EYA2: variants seen among roughly 807,000 people sequenced by gnomAD.
EYA2 encodes protein phosphatase EYA2.
In EYA2, 31 loss-of-function variants were observed where a neutral mutation model predicts 69.2. The observed-to-expected ratio is 0.45, with a 90% CI of 0.34 to 0.60. EYA2 has a LOEUF of 0.60. EYA2 is among the 20% of genes least tolerant of loss of function. The pLI is 0.02. For synonymous variants in EYA2, 257 were observed against 279.4 expected, an observed-to-expected ratio of 0.92 and a Z score of 0.80; for missense variants, 622 against 701.2, an observed-to-expected ratio of 0.89 and a Z score of 1.28.
chr20:46,940,719 C>T (rs1376921334), intron 1 of EYA2, among the ~76,000 whole-genome samples: 5 of 152,200 alleles, frequency 3.3e-5, no homozygotes, highest in African/African-American at 9.7e-5. Context: ...GGTGACAGGC[C>T]AGCTCAGGGC....
At chr20:46,987,249 A>G (rs112997766) in intron 1 of EYA2, among the ~76,000 whole-genome samples, 2,565 of 152,326 alleles carry the variant, frequency 0.017, 60 homozygotes, top group African/African-American at 0.058. Flanking sequence ...CAGTGTTCCA[A>G]TAAAACTTTA....
intron 9 of EYA2, among the ~76,000 whole-genome samples, chr20:47,135,628 AT>A (rs2033445471): frequency 6.6e-6 from 1 of 151,880 alleles, no homozygotes; most frequent in Non-Finnish European, 1.5e-5. Context: ...TGTACAGCTA[AT>A]TAGTATGTAA....
At chr20:47,096,596 A>G (rs2032253497) in intron 8 of EYA2, among the ~76,000 whole-genome samples, 1 of 152,196 alleles carries the variant, frequency 6.6e-6, no homozygotes, top group South Asian at 2.1e-4. Context: ...CATGAGTTAA[A>G]CCCTCATCTT....
At position 47,117,647 on chromosome 20, in the gene EYA2, AAAG is replaced by A. The variant is rs2032938663; in HGVS notation, c.888+20482_888+20484del. 5.1e-6 allele frequency: 5 copies of A among 985,204 alleles called. No individual in the cohort carries two copies. The South Asian group carries it at 2.4e-4, about 46-fold the overall frequency. The allele number at this position is 985,204 out of a possible 1,614,324, so 61.0% of individuals were successfully genotyped here. ...TGCTTTACAAACTGAGAAGAAATAA[AAAG>A]AAAAAGAAAAAGAAAACCCGGTTTT... is the stretch of plus-strand genomic sequence containing the variant. On this transcript the variant is annotated intron_variant, in intron 9 of 15. Coordinates refer to ENST00000327619, the MANE Select transcript of EYA2 (RefSeq NM_005244.5).
At chr20:47,148,442 T>C (rs563598872) in intron 10 of EYA2, among the ~76,000 whole-genome samples, 1 of 152,274 alleles carries the variant, frequency 6.6e-6, no homozygotes, top group South Asian at 2.1e-4. Flanking sequence ...CCAGGGCAAA[T>C]TGTTTAATTG....
At chr20:47,067,734 T>G (rs1271368852) in intron 5 of EYA2, among the ~76,000 whole-genome samples, 9 of 152,222 alleles carry the variant, frequency 5.9e-5, no homozygotes, top group Non-Finnish European at 1.2e-4. Flanking sequence ...TCTTTCTTCC[T>G]TCCTGATGTT....
chr20:46,963,589 T>C (rs1979607444), intron 1 of EYA2, among the ~76,000 whole-genome samples: 1 of 152,238 alleles, frequency 6.6e-6, no homozygotes, highest in Non-Finnish European at 1.5e-5. Context: ...TCACTGGGGA[T>C]TGTTTTTAAT....
At chr20:46,928,897 C>T (rs1473972319) in intron 1 of EYA2, among the ~76,000 whole-genome samples, 1 of 152,116 alleles carries the variant, frequency 6.6e-6, no homozygotes, top group Non-Finnish European at 1.5e-5. Flanking sequence ...GGGGCCTCTA[C>T]CTCTGAACTA....
intron 14 of EYA2, among the ~76,000 whole-genome samples, chr20:47,182,067 G>C (rs974916071): frequency 2.6e-5 from 4 of 151,820 alleles, no homozygotes; most frequent in Non-Finnish European, 5.9e-5. Flanking sequence ...CCAGGCTGGA[G>C]GGCAGTGGTG....
intron 10 of EYA2, among the ~76,000 whole-genome samples, chr20:47,158,562 C>A (rs1055891874): frequency 5.3e-5 from 8 of 151,500 alleles, no homozygotes; most frequent in African/African-American, 1.9e-4. Flanking sequence ...GTTACCTGAG[C>A]CCAGGAACGA....
At chr20:47,163,035 T>TC (rs1224095838) in intron 10 of EYA2, among the ~76,000 whole-genome samples, 3 of 121,732 alleles carry the variant, frequency 2.5e-5, no homozygotes, top group Admixed American at 7.5e-5. Context: ...GGTGTATCAC[T>TC]CTTTTTTTTT....
intron 7 of EYA2, among the ~76,000 whole-genome samples, chr20:47,083,577 CAAAA>C (rs35525311): frequency 3.1e-4 from 38 of 120,644 alleles, no homozygotes; most frequent in African/African-American, 1.2e-3. Flanking sequence ...GAGTCCATCT[CAAAA>C]AAAAAAAAAA....
chr20:47,092,869 A>T (rs1350733321), intron 8 of EYA2, among the ~76,000 whole-genome samples: 1 of 152,146 alleles, frequency 6.6e-6, no homozygotes, highest in East Asian at 1.9e-4. Context: ...CACGGGAGAG[A>T]AATTATGTGG....
At chr20:47,099,609 T>C (rs940914326) in intron 9 of EYA2, among the ~76,000 whole-genome samples, 1 of 152,184 alleles carries the variant, frequency 6.6e-6, no homozygotes, top group Non-Finnish European at 1.5e-5. Flanking sequence ...ACAGGAATGG[T>C]GACAGTTGAG....
At chr20:46,971,720 TCTGA>T (rs764704329) in intron 1 of EYA2, among the ~76,000 whole-genome samples, 3 of 152,260 alleles carry the variant, frequency 2.0e-5, no homozygotes, top group African/African-American at 4.8e-5. Context: ...TATATGTTGC[TCTGA>T]CTGTTTTACC....
At chr20:47,174,059 T>C (rs2034381854) in intron 12 of EYA2, among the ~76,000 whole-genome samples, 1 of 152,208 alleles carries the variant, frequency 6.6e-6, no homozygotes, top group African/African-American at 2.4e-5. Flanking sequence ...GGTTTTTAAC[T>C]AGGGGTGGTA....
chr20:46,945,245 T>C (rs539116188), intron 1 of EYA2, among the ~76,000 whole-genome samples: 1 of 152,330 alleles, frequency 6.6e-6, no homozygotes, highest in African/African-American at 2.4e-5. Context: ...AGCAGAGGTA[T>C]TGTGGATTAA....
rs140564632 is a variant in EYA2 at position 46,911,231 on chromosome 20, T to TTGTG, written c.-11+16272_-11+16275dup. On this transcript the variant is annotated intron_variant, in intron 1 of 15. Transcript: ENST00000327619. The stretch of plus-strand genomic sequence containing the variant: ...CTATTAAGATTTGGAGCTGGATAAT[T>TTGTG]TGTGTGTGTGTGTGTGTGTGTGTGT... Among the ~76,000 whole-genome samples, 1,137 of 148,310 alleles carry TTGTG rather than the reference T, an allele frequency of 7.7e-3. 14 individuals are homozygous for TTGTG. The highest frequency in any genetic ancestry group is 0.017 in the African/African-American group (672 of 40,516).
At chr20:46,925,410 G>A (rs1016478661) in intron 1 of EYA2, among the ~76,000 whole-genome samples, 3 of 152,136 alleles carry the variant, frequency 2.0e-5, no homozygotes, top group Non-Finnish European at 4.4e-5. Context: ...CAAACTGGGG[G>A]AAATCTTTGC....
Sources: gnomAD v4.1 joint callset for allele counts (sites outside exome capture counted in the v4.1 genomes callset) on GRCh38, gnomAD v4.1.1 for gene constraint, MANE v1.5 for transcripts, NCBI Gene and HGNC (gene_info 2026-07-23, HGNC 2026-07-21) for gene names.